Variants in ZSWIM6 observed in about 807,000 individuals in gnomAD.
ZSWIM6 encodes zinc finger SWIM domain-containing protein 6.
A neutral mutation model predicts 113.2 loss-of-function variants in ZSWIM6; 9 were observed. That is an observed-to-expected ratio of 0.08 (90% CI 0.05 to 0.14). The LOEUF (loss-of-function observed/expected upper bound fraction) is 0.14. Ranked by LOEUF, ZSWIM6 falls within the 10% of genes least tolerant of loss-of-function variation. The pLI, the probability that ZSWIM6 is intolerant of heterozygous loss-of-function variation, is 1.00. For synonymous variants in ZSWIM6, 611 were observed against 606.5 expected (o/e 1.01, Z -0.11); for missense variants, 1,162 against 1,552.2 (o/e 0.75, Z 4.22).
At chr5:61,459,088 A>G (rs1580006825) in intron 1 of ZSWIM6, among the ~76,000 whole-genome samples, 1 of 152,270 alleles carries the variant, frequency 6.6e-6, no homozygotes, top group South Asian at 2.1e-4. Flanking sequence ...ATTTGAAACC[A>G]TTTGGGTTTA....
At position 61,346,090 on chromosome 5, in the gene ZSWIM6, G is replaced by A. The variant is rs540294712; in HGVS notation, c.676+13142G>A. Among the ~76,000 whole-genome samples the A allele has an allele frequency of 2.0e-5, 3 of 151,604 alleles. 1 individual carries two copies. The South Asian group carries it at 6.3e-4, about 32-fold the overall frequency. ...CTCCCGAGTAGCTGGGATTACAGGC[G>A]CCCATCACCACGCCCAGCTAATTTT... On this transcript the variant is annotated intron_variant, in intron 1 of 13. Transcript: ENST00000252744.
chr5:61,498,846 A>G (rs560806595), intron 4 of ZSWIM6, among the ~76,000 whole-genome samples: 1 of 152,306 alleles, frequency 6.6e-6, no homozygotes, highest in East Asian at 1.9e-4. Context: ...GTAAGATTCT[A>G]AAGGCTCTGC....
At chr5:61,484,821 A>C (rs1158158013) in intron 2 of ZSWIM6, among the ~76,000 whole-genome samples, 2 of 152,156 alleles carry the variant, frequency 1.3e-5, no homozygotes, top group African/African-American at 2.4e-5. Flanking sequence ...GCTCAACATC[A>C]GCTCTAGGAT....
intron 1 of ZSWIM6, among the ~76,000 whole-genome samples, chr5:61,384,096 CCGGGCGCGGTGG>C (rs1745543730): frequency 6.7e-6 from 1 of 149,768 alleles, no homozygotes; most frequent in Admixed American, 6.6e-5. Context: ...AAAAAATTAG[CCGGGCGCGGTGG>C]CGGGCGCCTG....
intron 7 of ZSWIM6, among the ~76,000 whole-genome samples, chr5:61,528,895 A>G (rs1749357185): frequency 6.6e-6 from 1 of 152,116 alleles, no homozygotes; most frequent in African/African-American, 2.4e-5. Flanking sequence ...CCTGTCTTTC[A>G]TTTTTATGTA....
chr5:61,542,539 A>G (rs1380878791), intron 13 of ZSWIM6, among the ~76,000 whole-genome samples: 2 of 152,210 alleles, frequency 1.3e-5, no homozygotes, highest in African/African-American at 4.8e-5. Context: ...ATAGTGGTTA[A>G]ACGTTCTTTT....
chr5:61,485,299 C>T (rs1167712229), intron 2 of ZSWIM6, among the ~76,000 whole-genome samples: 4 of 152,186 alleles, frequency 2.6e-5, no homozygotes, highest in African/African-American at 9.6e-5. Context: ...CATCCTTGCT[C>T]ATTTACTTAT....
chr5:61,494,368 A>T lies in ZSWIM6; in HGVS notation c.1291A>T (p.Thr431Ser), dbSNP rs1332596435. The T allele has an allele frequency of 6.4e-7, 1 of 1,551,120 alleles. No homozygotes were observed. The highest frequency in any genetic ancestry group is 1.2e-5 in the South Asian group (1 of 84,052). ...PRLSLWRQQG[T>S]AMTDKYRQLW... ...CCTGTCACTTTGGCGGCAACAAGGC[A>T]CTGCAATGACTGACAAATACAGGCA... The change falls in exon 4 of 14, where the codon ACT (threonine) becomes TCT (serine). Residue 431 changes from threonine (T) to serine (S), a missense_variant. Coordinates refer to ENST00000252744, the MANE Select transcript of ZSWIM6 (RefSeq NM_020928.2).
At chr5:61,485,137 G>A (rs1386529358) in intron 2 of ZSWIM6, among the ~76,000 whole-genome samples, 1 of 152,080 alleles carries the variant, frequency 6.6e-6, no homozygotes, top group Non-Finnish European at 1.5e-5. Flanking sequence ...CTGGGTGTTA[G>A]GAAGCAATGG....
At chr5:61,390,709 G>T in intron 1 of ZSWIM6, 1 of 821,166 alleles carries the variant, frequency 1.2e-6, no homozygotes, top group Non-Finnish European at 2.1e-6. Context: ...TTCTTGAGTG[G>T]TGCCATGAAT....
chr5:61,382,838 AAG>A (rs1044336840), intron 1 of ZSWIM6, among the ~76,000 whole-genome samples: 13 of 152,026 alleles, frequency 8.6e-5, no homozygotes, highest in African/African-American at 2.4e-4. Flanking sequence ...GAAAGAAAGA[AAG>A]AAAGAATTTG....
At position 61,391,235 on chromosome 5, in the gene ZSWIM6, G is replaced by A. The variant is rs1272836029; in HGVS notation, c.676+58287G>A. On this transcript the variant is annotated intron_variant, in intron 1 of 13. Transcript: ENST00000252744. ...CTGATGACGTCGATCATCTTGTCCT[G>A]CTCAAACACTTGGTTCACAGGTACC... The A allele has an allele frequency of 6.6e-6, 6 of 910,542 alleles. No homozygotes were observed. The Admixed American group carries it at 8.5e-5, about 13-fold the overall frequency. 56.4% of individuals were successfully genotyped at this position (910,542 alleles called of 1,614,324 possible).
intron 13 of ZSWIM6, 98 bp downstream of exon 13, chr5:61,542,063 A>C: frequency 1.8e-6 from 2 of 1,136,870 alleles, no homozygotes; most frequent in African/African-American, 1.5e-5. Context: ...TTTTATGTTG[A>C]CTTCTCCAAG....
At chr5:61,512,388 C>T (rs1748813014) in intron 4 of ZSWIM6, among the ~76,000 whole-genome samples, 4 of 152,072 alleles carry the variant, frequency 2.6e-5, no homozygotes, top group Admixed American at 2.0e-4. Flanking sequence ...TAGATTGGTT[C>T]CTGTCTTTCA....
rs1187618412 is a variant in ZSWIM6, at chr5:61,521,375, T to C, written c.1446T>C (p.Asp482=). 1.3e-6 allele frequency: 2 copies of C among 1,530,678 alleles called. No individual in the cohort carries two copies. The highest frequency in any genetic ancestry group is 1.4e-5 in the African/African-American group (1 of 71,568). The allele number at this position is 1,530,678 out of a possible 1,614,324, so 94.8% of individuals were successfully genotyped here. A position where few individuals can be genotyped will look rare whatever the true frequency, so the allele number is the denominator to read the frequency against. ...GTGTTGATGTCTGTCCATGGGAAGATGGAAATCATGGCAGTGAATTACCCA... is the reference window on the plus strand; with the variant it reads ...GTGTTGATGTCTGTCCATGGGAAGACGGAAATCATGGCAGTGAATTACCCA... ...WNSVDVCPWE[D]GNHGSELPNL... The change falls in exon 5 of 14, where the codon GAT becomes GAC. Residue 482 remains aspartate, a synonymous_variant. Transcript: ENST00000252744.
chr5:61,495,591 C>G (rs1334246864), intron 4 of ZSWIM6, among the ~76,000 whole-genome samples: 3 of 152,028 alleles, frequency 2.0e-5, no homozygotes, highest in Non-Finnish European at 4.4e-5. Context: ...AATGGTAGTG[C>G]CCTTCCCCCT....
intron 10 of ZSWIM6, among the ~76,000 whole-genome samples, chr5:61,536,510 C>G (rs1013326791): frequency 1.3e-5 from 2 of 152,170 alleles, no homozygotes; most frequent in African/African-American, 4.8e-5. Context: ...TGTTGTAGAC[C>G]TAAAAGCTTG....
intron 4 of ZSWIM6, among the ~76,000 whole-genome samples, chr5:61,510,091 G>A (rs193240621): frequency 6.6e-6 from 1 of 151,998 alleles, no homozygotes; most frequent in African/African-American, 2.4e-5. Context: ...TGCCACCACC[G>A]AGAGCCTCAG....
At chr5:61,506,271 A>G (rs1748615547) in intron 4 of ZSWIM6, among the ~76,000 whole-genome samples, 1 of 152,028 alleles carries the variant, frequency 6.6e-6, no homozygotes, top group Non-Finnish European at 1.5e-5. Context: ...TTTAAAGGAG[A>G]ATGTTTTCCC....
Sources: gnomAD v4.1 joint callset for allele counts (sites outside exome capture counted in the v4.1 genomes callset) on GRCh38, gnomAD v4.1.1 for gene constraint, MANE v1.5 for transcripts, NCBI Gene and HGNC (gene_info 2026-07-23, HGNC 2026-07-21) for gene names.